The following HSD17B7 variants were observed in gnomAD, a reference collection of about 807,000 sequenced individuals.
HSD17B7 encodes the protein hydroxysteroid 17-beta dehydrogenase 7, also known as 3-keto-steroid reductase/17-beta-hydroxysteroid dehydrogenase 7.
Under a neutral mutation model 34.1 loss-of-function variants are expected in HSD17B7, and 17 were observed. That is an observed-to-expected ratio of 0.50 (90% CI 0.34 to 0.75). HSD17B7 has a LOEUF of 0.75. Among genes scored for constraint, HSD17B7 ranks in the 30% least tolerant of loss-of-function variants. The probability of loss-of-function intolerance (pLI) is 0.01; values close to 1 mark genes in which losing one functional copy is unlikely to be tolerated. For missense variants in HSD17B7, 296 were observed against 406.6 expected, an observed-to-expected ratio of 0.73 and a Z score of 2.34; for synonymous variants, 122 against 154.6, an observed-to-expected ratio of 0.79 and a Z score of 1.56.
chr1:162,807,530 A>G (rs919695545), intron 8 of HSD17B7, among the ~76,000 whole-genome samples: 1 of 152,138 alleles, frequency 6.6e-6, no homozygotes, highest in Non-Finnish European at 1.5e-5. Flanking sequence ...CTAGTTCTAG[A>G]TCCTTGAGGA....
At chr1:162,810,636 G>A (rs1456848822) in intron 8 of HSD17B7, among the ~76,000 whole-genome samples, 7 of 132,860 alleles carry the variant, frequency 5.3e-5, no homozygotes, top group African/African-American at 2.0e-4. Context: ...GGGTGCTCCT[G>A]TACTGGGTGC....
chr1:162,806,378 G>T (rs1413813348), intron 8 of HSD17B7, among the ~76,000 whole-genome samples: 1 of 152,134 alleles, frequency 6.6e-6, no homozygotes, highest in African/African-American at 2.4e-5. Context: ...TGTGCTATCT[G>T]TTCACTAAAA....
intron 2 of HSD17B7, chr1:162,795,745 T>G: frequency 2.3e-6 from 1 of 433,774 alleles, no homozygotes; most frequent in South Asian, 1.6e-5. Context: ...TACATAGAAC[T>G]CTAGGAGATA....
At position 162,796,636 on chromosome 1, in the gene HSD17B7, A is replaced by G. The variant is rs778968147; in HGVS notation, c.291A>G (p.Pro97=). The change falls in exon 3 of 9, where the codon CCA becomes CCG. Residue 97 remains proline, a synonymous_variant. Transcript: ENST00000254521. ...IYLNAGIMPN[P]QLNIKALFFG... Reference sequence around the variant, plus strand: ...TAAATGCTGGGATCATGCCTAATCCACAACTAAATATCAAAGCACTTTTCT... The same window carrying G: ...TAAATGCTGGGATCATGCCTAATCCGCAACTAAATATCAAAGCACTTTTCT... 1 of 1,612,534 alleles carries G rather than the reference A, an allele frequency of 6.2e-7. No homozygotes were observed. Among genetic ancestry groups the G allele is most frequent in the Non-Finnish European group, 8.5e-7 (1 of 1,178,664 alleles).
At chr1:162,807,386 G>C (rs1305552172) in intron 8 of HSD17B7, among the ~76,000 whole-genome samples, 5 of 152,138 alleles carry the variant, frequency 3.3e-5, no homozygotes, top group Non-Finnish European at 7.3e-5. Context: ...TTGGACATTT[G>C]GGTTGATTCC....
Position 162,812,279 on chromosome 1 carries a change from A to G in HSD17B7, c.904-19A>G. 3 of 1,610,832 alleles carry G rather than the reference A, an allele frequency of 1.9e-6. No individual in the cohort carries two copies. The highest frequency in any genetic ancestry group is 2.5e-6 in the Non-Finnish European group (3 of 1,178,782). ...TTATTTTTCATTTCTAGACATCTCT[A>G]TTTTTGCTTCTTTTCCAGATGGACC... On this transcript the variant is annotated intron_variant, in intron 8 of 8. Coordinates refer to ENST00000254521, the MANE Select transcript of HSD17B7 (RefSeq NM_016371.4).
intron 3 of HSD17B7, 96 bp from the exon 4 acceptor site, chr1:162,797,706 T>C (rs1648663918): frequency 6.6e-7 from 1 of 1,516,370 alleles, no homozygotes; most frequent in Non-Finnish European, 8.9e-7. Flanking sequence ...AAGGGAGGTG[T>C]AGTTTATGGG....
In HSD17B7 at chr1:162,805,396, A is replaced by G. The variant is rs1388421561; in HGVS notation, c.807A>G (p.Val269=). ...LTPYNGTEAL[V]WLFHQKPESL... is the part of the protein sequence containing the mutation. ...ATTGACACATCCTTCCTTTCCAGGTATGGCTTTTCCACCAAAAGCCTGAAT... is the reference window on the plus strand; with the variant it reads ...ATTGACACATCCTTCCTTTCCAGGTGTGGCTTTTCCACCAAAAGCCTGAAT... Residue 269 remains valine (V), a splice_region_variant and synonymous_variant, in exon 8 of 9, where the codon GTA becomes GTG. Transcript: ENST00000254521. 3 of 1,612,716 alleles carry G rather than the reference A, an allele frequency of 1.9e-6. No individual in the cohort carries two copies.
Position 162,812,227 on chromosome 1 carries a change from CT to C in HSD17B7, c.904-63del, listed in dbSNP as rs927810507. ...TCTTTTTATTTCATATATTGAATGC[CT>C]TTTTTTTATACAAATACTATTCATC... On this transcript the variant is annotated intron_variant, in intron 8 of 8. Transcript: ENST00000254521. 71 of 1,518,520 alleles carry C rather than the reference CT, an allele frequency of 4.7e-5. No homozygotes were observed. The East Asian group carries it at 5.3e-4, about 11-fold the overall frequency. 94.1% of individuals were successfully genotyped at this position (1,518,520 alleles called of 1,614,324 possible).
chr1:162,799,796 C>G lies in HSD17B7; in HGVS notation c.501C>G (p.Ile167Met). 2 of 1,613,930 alleles carry G rather than the reference C, an allele frequency of 1.2e-6. No individual in the cohort carries two copies. Among genetic ancestry groups the G allele is most frequent in the Non-Finnish European group, 8.5e-7 (1 of 1,179,898 alleles). The change falls in exon 5 of 9, where the codon ATC becomes ATG. Residue 167 changes from isoleucine (I) to methionine (M), a missense_variant. Physicochemically the swap from Ile to Met is conservative, Grantham distance 10 (BLOSUM62 1). Transcript: ENST00000254521. ...ACAGTGACAATCCATCTCAGCTCAT[C>G]TGGACATCATCTCGCAGTGCAAGGA... ...LCHSDNPSQL[I>M]WTSSRSARKS... is the part of the protein sequence containing the mutation.
At chr1:162,797,283 C>T (rs1010189514) in intron 3 of HSD17B7, 45 of 159,170 alleles carry the variant, frequency 2.8e-4, no homozygotes, top group Non-Finnish European at 4.6e-4. Flanking sequence ...GACACACACA[C>T]ACACTCTCAC....
intron 7 of HSD17B7, 119 bp from the exon 8 acceptor site, chr1:162,805,275 T>G: frequency 1.4e-6 from 2 of 1,399,374 alleles, no homozygotes; most frequent in African/African-American, 2.9e-5. Flanking sequence ...ACTGATGATA[T>G]TTGAGAGGAT....
At chr1:162,796,479 C>A in intron 2 of HSD17B7, 106 bp from the exon 3 acceptor site, 1 of 619,136 alleles carries the variant, frequency 1.6e-6, no homozygotes. Flanking sequence ...TATTTTTTGT[C>A]TTTCTTAGGC....
chr1:162,796,462 T>G (rs558406386), intron 2 of HSD17B7, 123 bp from the exon 3 acceptor site: 2 of 551,356 alleles, frequency 3.6e-6, no homozygotes, highest in African/African-American at 1.9e-5. Context: ...TATATTAATT[T>G]AAAAAGTATT....
Position 162,800,989 on chromosome 1 carries a change from T to C in HSD17B7, c.642+1052T>C, listed in dbSNP as rs185243508. ...TCTGGCTCTTAGAATGATGCCCCCCTTTTTTTTTGAGACAGAGTCTCATTC... is the reference window on the plus strand; with the variant it reads ...TCTGGCTCTTAGAATGATGCCCCCCCTTTTTTTTGAGACAGAGTCTCATTC... On this transcript the variant is annotated intron_variant, in intron 5 of 8. Transcript: ENST00000254521. Among the ~76,000 whole-genome samples the C allele has an allele frequency of 4.7e-3, 711 of 151,118 alleles. 5 individuals carry two copies. The highest frequency in any genetic ancestry group is 0.016 in the African/African-American group (657 of 40,958).
At chr1:162,792,269 C>T (rs1390581780) in intron 1 of HSD17B7, among the ~76,000 whole-genome samples, 1 of 152,174 alleles carries the variant, frequency 6.6e-6, no homozygotes, top group Non-Finnish European at 1.5e-5. Flanking sequence ...TCAAAATGCA[C>T]ATAGGAAACA....
chr1:162,794,498 A>G (rs898421156), intron 2 of HSD17B7, among the ~76,000 whole-genome samples: 1 of 152,174 alleles, frequency 6.6e-6, no homozygotes, highest in Non-Finnish European at 1.5e-5. Context: ...GAGATTTTCT[A>G]GGTTCTGTTT....
chr1:162,799,760 T>C lies in HSD17B7; in HGVS notation c.465T>C (p.Pro155=). 6.2e-6 allele frequency: 10 copies of C among 1,613,410 alleles called. No homozygotes were observed. The South Asian group carries it at 1.1e-4, about 18-fold the overall frequency. ...GHFILIRELE[P]LLCHSDNPSQ... ...TCACCCAGATTCGGGAACTGGAGCC[T>C]CTCCTCTGTCACAGTGACAATCCAT... The change falls in exon 5 of 9, where the codon CCT becomes CCC. Residue 155 remains proline, a synonymous_variant. Transcript: ENST00000254521.
chr1:162,802,569 C>T (rs1214712585), intron 5 of HSD17B7, among the ~76,000 whole-genome samples: 1 of 152,082 alleles, frequency 6.6e-6, no homozygotes, highest in Non-Finnish European at 1.5e-5. Context: ...GCTTAGGGTG[C>T]TGTCTGTCCA....
Sources: gnomAD v4.1 joint callset for allele counts (sites outside exome capture counted in the v4.1 genomes callset) on GRCh38, gnomAD v4.1.1 for gene constraint, MANE v1.5 for transcripts, NCBI Gene and HGNC (gene_info 2026-07-23, HGNC 2026-07-21) for gene names.